The following ACYP2 variants were observed in gnomAD, a reference collection of about 807,000 sequenced individuals.
The protein encoded by ACYP2 is acylphosphatase 2.
ACYP2 carries 12 observed loss-of-function variants against 11.2 expected under a neutral mutation model. The ratio of observed to expected loss-of-function variants is 1.08; its 90% CI spans 0.69 to 1.74. The LOEUF is 1.74. ACYP2 is among the 40% of genes most tolerant of loss of function. The pLI is 0.00. For missense variants in ACYP2, 134 were observed against 101.9 expected (o/e 1.31, Z -1.35); for synonymous variants, 43 against 32.2 (o/e 1.33, Z -1.13).
chr2:54,094,331 A>G (rs1678397978), intron 4 of ACYP2, among the ~76,000 whole-genome samples: 1 of 151,426 alleles, frequency 6.6e-6, no homozygotes, highest in Admixed American at 6.6e-5. Context: ...AGGTTCAAGC[A>G]ATTCTCCTGC....
chr2:54,050,938 A>AT (rs536282449), intron 2 of ACYP2: 1 of 406,624 alleles, frequency 2.5e-6, no homozygotes, highest in Non-Finnish European at 4.3e-6. Context: ...AACTAATTAA[A>AT]TTTTTTTCTT....
chr2:54,251,358 T>TG (rs1157558450), intron 6 of ACYP2, among the ~76,000 whole-genome samples: 8 of 138,348 alleles, frequency 5.8e-5, no homozygotes, highest in Non-Finnish European at 9.7e-5. Flanking sequence ...AAAAATAATG[T>TG]GTTTTTTTTT....
intron 4 of ACYP2, among the ~76,000 whole-genome samples, chr2:54,095,799 A>C (rs1483604103): frequency 9.1e-6 from 1 of 109,968 alleles, no homozygotes. Context: ...TGACCCTCCC[A>C]CCTCCCTCCC....
chr2:54,115,887 G>C (rs970111479), intron 4 of ACYP2, 131 bp downstream of exon 1: 2 of 1,209,730 alleles, frequency 1.7e-6, no homozygotes, highest in Non-Finnish European at 2.2e-6. Context: ...CCATGACACA[G>C]CAGCGGCGGC....
chr2:54,213,275 C>CT (rs372550728), intron 6 of ACYP2, among the ~76,000 whole-genome samples: 17 of 152,156 alleles, frequency 1.1e-4, no homozygotes, highest in African/African-American at 3.6e-4. Context: ...TGATTTCACT[C>CT]TTTTTTGTGG....
At chr2:54,059,748 A>C (rs1676366519) in intron 4 of ACYP2, among the ~76,000 whole-genome samples, 1 of 151,976 alleles carries the variant, frequency 6.6e-6, no homozygotes, top group Non-Finnish European at 1.5e-5. Context: ...TTGTGCTGGG[A>C]CTCATCCTTC....
At chr2:54,224,068 A>C (rs1459038513) in intron 6 of ACYP2, among the ~76,000 whole-genome samples, 3 of 152,174 alleles carry the variant, frequency 2.0e-5, no homozygotes, top group Non-Finnish European at 4.4e-5. Flanking sequence ...AAATACTGTT[A>C]GTCCAGTCTT....
At chr2:54,115,635 A>C (rs1460627591) in intron 4 of ACYP2, 1 of 1,577,584 alleles carries the variant, frequency 6.3e-7, no homozygotes, top group Non-Finnish European at 8.6e-7. Flanking sequence ...TCCCTCTCGC[A>C]GCCGCCGCAG....
intron 5 of ACYP2, among the ~76,000 whole-genome samples, chr2:54,137,955 G>T (rs1466961723): frequency 6.6e-6 from 1 of 151,930 alleles, no homozygotes; most frequent in African/African-American, 2.4e-5. Flanking sequence ...TTATTTTTTG[G>T]CTTTTTAATA....
At chr2:54,254,733 G>T (rs1687409030) in intron 6 of ACYP2, 1 of 597,838 alleles carries the variant, frequency 1.7e-6, no homozygotes, top group South Asian at 2.3e-5. Context: ...AGACGACCAG[G>T]TGAAAGGGGA....
At chr2:54,097,030 G>A (rs1678631884) in intron 4 of ACYP2, among the ~76,000 whole-genome samples, 1 of 152,278 alleles carries the variant, frequency 6.6e-6, no homozygotes, top group South Asian at 2.1e-4. Context: ...TATTTTAAAG[G>A]AATCTTTTTC....
In ACYP2 at chr2:54,023,313, A is replaced by C. The variant is rs373120887; in HGVS notation, c.63-27645A>C. On this transcript the variant is annotated intron_variant, in intron 2 of 6. Transcript: ENST00000607452. The stretch of plus-strand genomic sequence containing the variant: ...ATGGAAAGTATGTGTTTAACTTTAT[A>C]AGAAATGTCACACTAATTTTTTTTA... Among the ~76,000 whole-genome samples, 3 of 152,228 alleles carry C rather than the reference A, an allele frequency of 2.0e-5. No homozygotes were observed. In the East Asian group the frequency reaches 5.8e-4, roughly 29 times the overall value.
chr2:54,265,408 G>C (rs529857760), intron 6 of ACYP2, among the ~76,000 whole-genome samples: 2 of 152,286 alleles, frequency 1.3e-5, no homozygotes, highest in East Asian at 3.9e-4. Flanking sequence ...ATGATTCAGT[G>C]ATCTCCCACC....
intron 4 of ACYP2, among the ~76,000 whole-genome samples, chr2:54,072,716 C>T (rs1316810088): frequency 1.3e-5 from 2 of 152,014 alleles, no homozygotes; most frequent in African/African-American, 4.8e-5. Context: ...GCACGTGCCA[C>T]TGTGCCAGGC....
At chr2:54,025,866 C>T (rs1674256241) in intron 2 of ACYP2, among the ~76,000 whole-genome samples, 1 of 152,082 alleles carries the variant, frequency 6.6e-6, no homozygotes, top group South Asian at 2.1e-4. Flanking sequence ...GAGGCCGAGG[C>T]AGGAATTTGA....
intron 4 of ACYP2, among the ~76,000 whole-genome samples, chr2:54,069,928 A>G (rs1464265475): frequency 6.6e-6 from 1 of 152,172 alleles, no homozygotes; most frequent in Non-Finnish European, 1.5e-5. Context: ...TTAACCCAGA[A>G]TACTTCTCTG....
intron 4 of ACYP2, among the ~76,000 whole-genome samples, chr2:54,069,734 T>C (rs949160517): frequency 2.0e-5 from 3 of 152,156 alleles, no homozygotes; most frequent in African/African-American, 7.2e-5. Context: ...ATTCACATGA[T>C]GCTACCATAT....
intron 6 of ACYP2, among the ~76,000 whole-genome samples, chr2:54,225,791 T>TG (rs1247434534): frequency 6.6e-6 from 1 of 152,180 alleles, no homozygotes; most frequent in Non-Finnish European, 1.5e-5. Context: ...CTTAAGTATT[T>TG]TTTTTTTACT....
Position 54,169,684 on chromosome 2 carries a change from G to T in ACYP2, c.404+30936G>T, listed in dbSNP as rs377668408. Among the ~76,000 whole-genome samples, 8 of 151,654 alleles carry T rather than the reference G, an allele frequency of 5.3e-5. No individual in the cohort carries two copies. In the East Asian group the frequency reaches 1.4e-3, roughly 26 times the overall value. On this transcript the variant is annotated intron_variant, in intron 6 of 6. Transcript: ENST00000607452. ...ACAGGAAAGGCCCATGAAACTTACG[G>T]TTTTTTTTCCATCGAGAAAAATATT...
Sources: allele counts gnomAD v4.1 joint callset (sites outside exome capture counted in the v4.1 genomes callset), GRCh38; gene constraint gnomAD v4.1.1; transcripts MANE v1.5; gene names NCBI Gene and HGNC (gene_info 2026-07-23, HGNC 2026-07-21).